CXADR: variants seen among roughly 807,000 people sequenced by gnomAD.
CXADR encodes CXADR cell adhesion molecule, also known as coxsackievirus and adenovirus receptor.
CXADR carries 20 observed loss-of-function variants against 40.3 expected under a neutral mutation model. The ratio of observed to expected loss-of-function variants is 0.50; its 90% confidence interval spans 0.35 to 0.72. The LOEUF is 0.72. Ranked by LOEUF, CXADR falls within the 30% of genes least tolerant of loss-of-function variation. The pLI is 0.01. For missense variants in CXADR, 332 were observed against 449.1 expected (o/e 0.74, Z 2.36); for synonymous variants, 150 against 161.3 (o/e 0.93, Z 0.53).
the CXADR span, among the ~76,000 whole-genome samples, chr21:17,626,494 G>C: frequency 2.6e-5 from 4 of 151,986 alleles, no homozygotes; most frequent in African/African-American, 7.2e-5. Flanking sequence ...TTTCTTACTT[G>C]ATGAAAAGTT....
downstream of CXADR, among the ~76,000 whole-genome samples, chr21:17,571,919 A>G (rs1005724824): frequency 6.6e-6 from 1 of 152,200 alleles, no homozygotes; most frequent in African/African-American, 2.4e-5. Context: ...TACCCACCTC[A>G]GTCCCCACTG....
At chr21:17,557,855 G>A (rs2061055888) in intron 3 of CXADR, among the ~76,000 whole-genome samples, 1 of 152,138 alleles carries the variant, frequency 6.6e-6, no homozygotes, top group Admixed American at 6.5e-5. Context: ...CCTTGGGAGA[G>A]GGTTGGAGTG....
intron 1 of CXADR, among the ~76,000 whole-genome samples, chr21:17,535,370 T>A (rs979365041): frequency 5.3e-5 from 8 of 152,122 alleles, no homozygotes; most frequent in Non-Finnish European, 7.4e-5. Context: ...CTAATTTTTT[T>A]ATTTTTTTGT....
the CXADR span, among the ~76,000 whole-genome samples, chr21:17,599,556 C>T: frequency 2.0e-5 from 3 of 149,666 alleles, no homozygotes; most frequent in Admixed American, 6.7e-5. Context: ...CGGCCCACTA[C>T]AATCTCCACC....
intron 1 of CXADR, among the ~76,000 whole-genome samples, chr21:17,523,257 G>A (rs1432640889): frequency 6.6e-6 from 1 of 152,138 alleles, no homozygotes; most frequent in Admixed American, 6.5e-5. Context: ...TGTATTCCCA[G>A]TATATGGCAC....
At chr21:17,515,774 C>G (rs1186572151) in intron 1 of CXADR, among the ~76,000 whole-genome samples, 1 of 152,196 alleles carries the variant, frequency 6.6e-6, no homozygotes, top group Non-Finnish European at 1.5e-5. Context: ...CCACTGCATT[C>G]CAGCCTGGGC....
chr21:17,515,467 A>G (rs2060448615), intron 1 of CXADR, among the ~76,000 whole-genome samples: 1 of 151,540 alleles, frequency 6.6e-6, no homozygotes, highest in African/African-American at 2.4e-5. Context: ...AAGAAGACAT[A>G]CTAATTGATG....
chr21:17,596,517 T>G (rs934591371), downstream of CXADR, among the ~76,000 whole-genome samples: 1 of 152,048 alleles, frequency 6.6e-6, no homozygotes, highest in Admixed American at 6.6e-5. Flanking sequence ...GATCATCCAG[T>G]TGTTTCAGCA....
intron 1 of CXADR, among the ~76,000 whole-genome samples, chr21:17,531,576 C>T (rs865866938): frequency 7.2e-5 from 11 of 152,270 alleles, no homozygotes; most frequent in South Asian, 4.2e-4. Flanking sequence ...TTTGTTTCGC[C>T]ATTCCTCCTC....
chr21:17,593,249 CTAG>C, exon 8 of CXADR: 1 of 1,332,804 alleles, frequency 7.5e-7, no homozygotes, highest in South Asian at 2.1e-5. Context: ...TTTTAGGCCT[CTAG>C]TAAAGACTTA....
chr21:17,605,174 G>C, the CXADR span: 1 of 673,184 alleles, frequency 1.5e-6, no homozygotes, highest in Non-Finnish European at 2.3e-6. Context: ...AGGCACAGAG[G>C]CAGCCTGAAA....
At chr21:17,541,538 T>A (rs2060828440) in intron 1 of CXADR, among the ~76,000 whole-genome samples, 1 of 151,390 alleles carries the variant, frequency 6.6e-6, no homozygotes, top group South Asian at 2.1e-4. Flanking sequence ...AGCCCAGGCG[T>A]CAGAGCAAGA....
chr21:17,580,429 G>A (rs1307547558), intron 7 of CXADR, among the ~76,000 whole-genome samples: 1 of 152,094 alleles, frequency 6.6e-6, no homozygotes, highest in Non-Finnish European at 1.5e-5. Context: ...GACCAGCCTG[G>A]CCAACATGGC....
At chr21:17,533,983 C>A (rs2060710990) in intron 1 of CXADR, among the ~76,000 whole-genome samples, 1 of 121,106 alleles carries the variant, frequency 8.3e-6, no homozygotes, top group South Asian at 2.9e-4. Flanking sequence ...TTCTACTTCC[C>A]TGTATTTTCT....
rs2061117348 is a variant in CXADR at position 17,561,358 on chromosome 21, A to T, written c.715A>T (p.Ile239Phe). 6.3e-7 allele frequency: 1 copy of T among 1,592,536 alleles called. No homozygotes were observed. The highest frequency in any genetic ancestry group is 1.7e-5 in the Admixed American group (1 of 57,408). The change falls in exon 6 of 7, where the codon ATT becomes TTT. Residue 239 changes from isoleucine to phenylalanine, a missense_variant. Physicochemically the swap from Ile to Phe is conservative, Grantham distance 21. Around this residue, in one of 3 missense-constraint regions of CXADR, gnomAD observed 150 missense variants for 194.2 expected, o/e 0.77. Coordinates refer to ENST00000284878, the MANE Select transcript of CXADR (RefSeq NM_001338.5). The stretch of plus-strand genomic sequence containing the variant: ...TTTAGCTTCAAATAAAGCTGGACTA[A>T]TTGCAGGAGCCATTATAGGAACTTT... ...VVPPSNKAGL[I>F]AGAIIGTLLA...
rs1465582036 is a variant in CXADR at position 17,569,386 on chromosome 21, A to G, written c.*3694A>G. The G allele has an allele frequency of 1.0e-6, 1 of 982,638 alleles. No individual in the cohort carries two copies. Among genetic ancestry groups the G allele is most frequent in the East Asian group, 1.1e-4 (1 of 8,822 alleles). The allele number at this position is 982,638 out of a possible 1,614,324, so 60.9% of individuals were successfully genotyped here. A position where few individuals can be genotyped will look rare whatever the true frequency, so the allele number is the denominator to read the frequency against. ...ATATATTATATATATATATGTACAT[A>G]TATCTTTATAACATTCCTGTGTTTA... On this transcript the variant is annotated 3_prime_UTR_variant, in exon 7 of 7. Transcript: ENST00000284878.
chr21:17,518,954 G>A lies in CXADR; in HGVS notation c.43+5782G>A, dbSNP rs932858381. 4.7e-5 allele frequency: 75 copies of A among 1,608,726 alleles called. No individual in the cohort carries two copies. In the Middle Eastern group the frequency reaches 1.2e-3, roughly 26 times the overall value. On this transcript the variant is annotated intron_variant, in intron 1 of 6. Transcript: ENST00000284878. ...CGAGCTGTACCCTTGCCCCCTATCCGGACCTGAGCCTGAAGTTTGGCTAAC... is the reference window on the plus strand; with the variant it reads ...CGAGCTGTACCCTTGCCCCCTATCCAGACCTGAGCCTGAAGTTTGGCTAAC...
chr21:17,623,617 GT>G, the CXADR span, among the ~76,000 whole-genome samples: 220 of 152,244 alleles, frequency 1.4e-3, no homozygotes, highest in Non-Finnish European at 2.4e-3. Context: ...ATCTAACAAT[GT>G]GATGGACATC....
At chr21:17,552,864 C>G (rs1009832592) in intron 3 of CXADR, among the ~76,000 whole-genome samples, 5 of 152,116 alleles carry the variant, frequency 3.3e-5, no homozygotes, top group Non-Finnish European at 5.9e-5. Context: ...GTTTAGAGAA[C>G]TGATTAGGGG....
Sources: gnomAD v4.1 joint callset for allele counts (sites outside exome capture counted in the v4.1 genomes callset) on GRCh38, gnomAD v4.1.1 for gene constraint, gnomAD v4.1.1 regional missense constraint, MANE v1.5 for transcripts, NCBI Gene and HGNC (gene_info 2026-07-23, HGNC 2026-07-21) for gene names.